Variants in SLC4A8 observed in about 807,000 individuals in gnomAD.
SLC4A8 encodes solute carrier family 4 member 8, also known as electroneutral sodium bicarbonate exchanger 1.
In SLC4A8, 40 loss-of-function variants were observed where a neutral mutation model predicts 125.0. That is an observed-to-expected ratio of 0.32 (90% CI 0.25 to 0.42). The LOEUF (loss-of-function observed/expected upper bound fraction) is 0.42, where lower values mean the gene tolerates loss of function less well. SLC4A8 is among the 10% of genes least tolerant of loss of function. SLC4A8 has a pLI of 1.00. For synonymous variants in SLC4A8, 456 were observed against 476.0 expected (o/e 0.96, Z 0.55); for missense variants, 863 against 1,355.1 (o/e 0.64, Z 5.70).
intron 1 of SLC4A8, among the ~76,000 whole-genome samples, chr12:51,402,685 G>A (rs1229578546): frequency 6.6e-6 from 1 of 152,102 alleles, no homozygotes; most frequent in African/African-American, 2.4e-5. Flanking sequence ...CCGCGCCATT[G>A]CACTCCAACC....
intron 1 of SLC4A8, among the ~76,000 whole-genome samples, chr12:51,409,067 C>T (rs1218472339): frequency 6.6e-6 from 1 of 151,884 alleles, no homozygotes; most frequent in Non-Finnish European, 1.5e-5. Flanking sequence ...ACTCTGTTGC[C>T]CAGGCTGAGT....
At chr12:51,400,764 ATATATATATATATACATACAT>A (rs1948364377) in intron 1 of SLC4A8, among the ~76,000 whole-genome samples, 1 of 3,180 alleles carries the variant, frequency 3.1e-4, no homozygotes. Flanking sequence ...ATATATATAT[ATATATATATATATACATACAT>A]ACACACACAC....
At chr12:51,399,520 T>C (rs1157470719) in intron 1 of SLC4A8, among the ~76,000 whole-genome samples, 10 of 152,248 alleles carry the variant, frequency 6.6e-5, no homozygotes, top group African/African-American at 2.2e-4. Flanking sequence ...AAAGTAGTCC[T>C]CTTACTGAGC....
intron 1 of SLC4A8, among the ~76,000 whole-genome samples, chr12:51,412,836 A>G (rs568250165): frequency 1.3e-3 from 202 of 152,306 alleles, no homozygotes; most frequent in Non-Finnish European, 1.6e-3. Context: ...ATTGATGGAC[A>G]CTTAGTTTGA....
chr12:51,393,521 G>T (rs1209546260), intron 1 of SLC4A8, among the ~76,000 whole-genome samples: 3 of 152,226 alleles, frequency 2.0e-5, no homozygotes, highest in Non-Finnish European at 4.4e-5. Flanking sequence ...GGTGAATGAA[G>T]AAAGTAATCT....
chr12:51,445,164 T>C (rs1476029645), intron 2 of SLC4A8, among the ~76,000 whole-genome samples: 1 of 152,040 alleles, frequency 6.6e-6, no homozygotes, highest in Non-Finnish European at 1.5e-5. Context: ...GGTTGTTTAG[T>C]TTTAAATTTT....
chr12:51,401,522 C>T (rs1043102511), intron 1 of SLC4A8, among the ~76,000 whole-genome samples: 2 of 152,188 alleles, frequency 1.3e-5, no homozygotes, highest in Non-Finnish European at 2.9e-5. Context: ...TGGCATCTGC[C>T]ACTGCATGTT....
chr12:51,471,621 T>G, intron 14 of SLC4A8, 89 bp downstream of exon 14: 1 of 1,439,030 alleles, frequency 6.9e-7, no homozygotes, highest in Non-Finnish European at 9.5e-7. Context: ...GCTTACAGCT[T>G]CTGGTCAAGA....
chr12:51,507,557 C>A lies in SLC4A8; in HGVS notation c.*119C>A. ...GACCAAGTCTGGCCCTGTCCTTGGTCATCTCAAAGCCATGCCGAAGCATTC... is the reference window on the plus strand; with the variant it reads ...GACCAAGTCTGGCCCTGTCCTTGGTAATCTCAAAGCCATGCCGAAGCATTC... On this transcript the variant is annotated 3_prime_UTR_variant, in exon 25 of 25. Coordinates refer to ENST00000453097, the MANE Select transcript of SLC4A8 (RefSeq NM_001039960.3). 4.7e-6 allele frequency: 3 copies of A among 640,018 alleles called. No homozygotes were observed. The highest frequency in any genetic ancestry group is 5.4e-5 in the South Asian group (1 of 18,424). 39.6% of individuals were successfully genotyped at this position (640,018 alleles called of 1,614,324 possible).
At chr12:51,442,013 C>G (rs1949613817) in intron 2 of SLC4A8, among the ~76,000 whole-genome samples, 1 of 152,076 alleles carries the variant, frequency 6.6e-6, no homozygotes, top group African/African-American at 2.4e-5. Context: ...GTTGAATGCC[C>G]CTTGTGTGTT....
intron 1 of SLC4A8, among the ~76,000 whole-genome samples, chr12:51,407,160 C>T (rs940284287): frequency 1.3e-5 from 2 of 152,186 alleles, no homozygotes; most frequent in African/African-American, 4.8e-5. Flanking sequence ...AGAAGGGCAA[C>T]CTGACTGACG....
At chr12:51,480,024 C>T (rs781370304) in intron 16 of SLC4A8, 101 of 352,022 alleles carry the variant, frequency 2.9e-4, no homozygotes, top group Middle Eastern at 9.8e-4. Flanking sequence ...GGCTGGAGTG[C>T]GGTGGTGTGA....
intron 1 of SLC4A8, among the ~76,000 whole-genome samples, chr12:51,437,511 C>A (rs141278235): frequency 0.018 from 2,798 of 152,214 alleles, 34 homozygotes; most frequent in Non-Finnish European, 0.026. Flanking sequence ...TCTGGGCCCT[C>A]CCCTCTCTCT....
At chr12:51,424,685 A>T, upstream of SLC4A8, 1 of 426,406 alleles carries the variant, frequency 2.3e-6, no homozygotes, top group Middle Eastern at 6.1e-4. Flanking sequence ...GGCGGTTTCC[A>T]AGGCAACCGG....
intron 1 of SLC4A8, among the ~76,000 whole-genome samples, chr12:51,434,926 A>G (rs939650128): frequency 1.3e-5 from 2 of 152,222 alleles, no homozygotes; most frequent in Non-Finnish European, 2.9e-5. Context: ...ATTGAAATGT[A>G]TGGGATACTT....
intron 1 of SLC4A8, among the ~76,000 whole-genome samples, chr12:51,404,890 T>C (rs1376604661): frequency 6.6e-6 from 1 of 152,216 alleles, no homozygotes; most frequent in Non-Finnish European, 1.5e-5. Flanking sequence ...TGAAATTTGT[T>C]TGAGTGTGTT....
chr12:51,448,626 G>A (rs1373830159), intron 2 of SLC4A8, among the ~76,000 whole-genome samples: 1 of 152,184 alleles, frequency 6.6e-6, no homozygotes, highest in East Asian at 1.9e-4. Flanking sequence ...TGAACCAGGG[G>A]AGGGCAGTGG....
At chr12:51,437,438 A>G (rs112747342) in intron 1 of SLC4A8, among the ~76,000 whole-genome samples, 7,123 of 152,262 alleles carry the variant, frequency 0.047, 523 homozygotes, top group African/African-American at 0.15. Flanking sequence ...TCTTGGTGCC[A>G]TCCTCACAGT....
At chr12:51,493,797 G>A (rs773675668) in intron 20 of SLC4A8, 25 bp downstream of exon 20, 6 of 1,480,682 alleles carry the variant, frequency 4.1e-6, no homozygotes, top group Non-Finnish European at 4.7e-6. Flanking sequence ...AGCCAGGGCA[G>A]TTTCTTCTCA....
Sources: gnomAD v4.1 joint callset for allele counts (sites outside exome capture counted in the v4.1 genomes callset) on GRCh38, gnomAD v4.1.1 for gene constraint, MANE v1.5 for transcripts, NCBI Gene and HGNC (gene_info 2026-07-23, HGNC 2026-07-21) for gene names.